Variants in SEMA6D observed in about 807,000 individuals in gnomAD.
The protein encoded by SEMA6D is semaphorin 6D, also known as semaphorin-6D.
A neutral mutation model predicts 106.6 loss-of-function variants in SEMA6D; 35 were observed. The observed-to-expected ratio is 0.33, with a 90% CI of 0.25 to 0.44. The LOEUF (loss-of-function observed/expected upper bound fraction) is 0.44, where lower values mean the gene tolerates loss of function less well. SEMA6D is among the 20% of genes least tolerant of loss of function. SEMA6D has a pLI of 1.00. For synonymous variants in SEMA6D, 499 were observed against 487.7 expected, an observed-to-expected ratio of 1.02 and a Z score of -0.31; for missense variants, 1,185 against 1,345.9, an observed-to-expected ratio of 0.88 and a Z score of 1.87.
At chr15:47,426,475 G>A (rs946080648) in intron 2 of SEMA6D, among the ~76,000 whole-genome samples, 1 of 152,246 alleles carries the variant, frequency 6.6e-6, no homozygotes, top group East Asian at 1.9e-4. Flanking sequence ...CTGTCTTCTA[G>A]TCCGACATTG....
At chr15:47,184,401 T>G (rs1231907733) in exon 1 of SEMA6D, 1 of 152,474 alleles carries the variant, frequency 6.6e-6, no homozygotes. Flanking sequence ...GGAGTCAGGC[T>G]GAGCCTTCGG....
intron 3 of SEMA6D, among the ~76,000 whole-genome samples, chr15:47,502,558 A>T (rs996265189): frequency 6.6e-6 from 1 of 152,224 alleles, no homozygotes. Context: ...GCTTGAAAAC[A>T]CTAAAGGCTA....
chr15:47,216,733 A>T (rs1350504918), intron 1 of SEMA6D, among the ~76,000 whole-genome samples: 1 of 152,182 alleles, frequency 6.6e-6, no homozygotes, highest in Non-Finnish European at 1.5e-5. Flanking sequence ...AACAATTCAC[A>T]TAAGTTCAAA....
At chr15:47,712,243 A>G (rs183909978) in intron 4 of SEMA6D, among the ~76,000 whole-genome samples, 1 of 152,324 alleles carries the variant, frequency 6.6e-6, no homozygotes, top group Non-Finnish European at 1.5e-5. Flanking sequence ...AGCTTTGAAT[A>G]TCTAATTGTG....
intron 4 of SEMA6D, among the ~76,000 whole-genome samples, chr15:47,679,656 G>A (rs1039868539): frequency 3.3e-5 from 5 of 152,006 alleles, no homozygotes; most frequent in African/African-American, 1.2e-4. Context: ...GCTTCACAGT[G>A]TGTATTTTAT....
chr15:47,591,211 G>A (rs1369628), intron 3 of SEMA6D, among the ~76,000 whole-genome samples: 26,290 of 152,054 alleles, frequency 0.17, 2,637 homozygotes, highest in African/African-American at 0.25. Context: ...ACTCCCTCTT[G>A]TTCTTTTATT....
intron 1 of SEMA6D, among the ~76,000 whole-genome samples, chr15:47,306,994 T>C (rs2036258614): frequency 6.6e-6 from 1 of 152,196 alleles, no homozygotes; most frequent in Non-Finnish European, 1.5e-5. Flanking sequence ...AAGCATAACA[T>C]TATAGTTTTT....
chr15:47,605,146 C>G (rs1381550737), intron 4 of SEMA6D: 2 of 152,188 alleles, frequency 1.3e-5, no homozygotes, highest in African/African-American at 2.4e-5. Context: ...GGAGGCAAAT[C>G]TAAGATGTTG....
chr15:47,399,727 A>G (rs2040334627), intron 1 of SEMA6D, among the ~76,000 whole-genome samples: 1 of 152,232 alleles, frequency 6.6e-6, no homozygotes, highest in Non-Finnish European at 1.5e-5. Context: ...ACTAAAGGAC[A>G]GAAACAAATT....
At chr15:47,590,704 G>T (rs1680210750) in intron 3 of SEMA6D, among the ~76,000 whole-genome samples, 1 of 152,036 alleles carries the variant, frequency 6.6e-6, no homozygotes, top group South Asian at 2.1e-4. Context: ...GATGACAGAG[G>T]CAGAGCTTGG....
At chr15:47,551,569 C>G (rs570529880) in intron 3 of SEMA6D, among the ~76,000 whole-genome samples, 47 of 152,144 alleles carry the variant, frequency 3.1e-4, no homozygotes, top group Non-Finnish European at 6.2e-4. Context: ...GCCTCACATA[C>G]TACATTTCAT....
intron 13 of SEMA6D, 61 bp downstream of exon 13, chr15:47,765,117 A>C: frequency 1.3e-6 from 2 of 1,584,384 alleles, no homozygotes; most frequent in East Asian, 4.5e-5. Context: ...CATGTATTTC[A>C]TCTAGTCATG....
At position 47,349,727 on chromosome 15, in the gene SEMA6D, GA is replaced by G. The variant is rs1281484844; in HGVS notation, c.-238-62661del. Among the ~76,000 whole-genome samples, 55 of 112,818 alleles carry G rather than the reference GA, an allele frequency of 4.9e-4. No individual in the cohort carries two copies. The East Asian group carries it at 9.4e-3, about 19-fold the overall frequency. 74.0% of individuals were successfully genotyped at this position (112,818 alleles called of 152,430 possible). A position where few individuals can be genotyped will look rare whatever the true frequency, so the allele number is the denominator to read the frequency against. On this transcript the variant is annotated intron_variant, in intron 1 of 19. Transcript: ENST00000558014. ...ATGGATCTAGAGATAAAGCCTAATA[GA>G]AAAACAGATTTTGGTAACTGCCTGG...
At chr15:47,447,833 C>T (rs982920204) in intron 2 of SEMA6D, among the ~76,000 whole-genome samples, 1 of 152,094 alleles carries the variant, frequency 6.6e-6, no homozygotes, top group South Asian at 2.1e-4. Context: ...AGTCCTCAAC[C>T]TGTGTGATTT....
At chr15:47,380,387 C>A (rs918108414) in intron 1 of SEMA6D, 5 of 152,162 alleles carry the variant, frequency 3.3e-5, no homozygotes, top group Non-Finnish European at 7.4e-5. Flanking sequence ...AAGGCACTTG[C>A]TAAGCAATGT....
At chr15:47,601,592 T>G (rs1183119888) in intron 4 of SEMA6D, among the ~76,000 whole-genome samples, 1 of 152,206 alleles carries the variant, frequency 6.6e-6, no homozygotes, top group Non-Finnish European at 1.5e-5. Flanking sequence ...GCTCTATTTT[T>G]AATGAGAGCA....
rs564462175 is a variant in SEMA6D at position 47,722,759 on chromosome 15, C to T, written c.-55+5067C>T. 2.4e-4 allele frequency among the ~76,000 whole-genome samples: 37 copies of T among 152,146 alleles called. 1 individual carries two copies. The South Asian group carries it at 5.4e-3, about 22-fold the overall frequency. Reference sequence around the variant, plus strand: ...AGGATGATGGTGATGATGATGGAGGCGGAGGAAGAAGAGGAAAGAACAGCA... The same window carrying T: ...AGGATGATGGTGATGATGATGGAGGTGGAGGAAGAAGAGGAAAGAACAGCA... On this transcript the variant is annotated intron_variant, in intron 1 of 18. Transcript: ENST00000536845.
chr15:47,539,437 T>A (rs2045287055), intron 3 of SEMA6D, among the ~76,000 whole-genome samples: 2 of 151,988 alleles, frequency 1.3e-5, no homozygotes, highest in Admixed American at 1.3e-4. Context: ...GTTTGTTTTG[T>A]TTTGTTTTGA....
chr15:47,208,792 G>C (rs1201512820), intron 1 of SEMA6D, among the ~76,000 whole-genome samples: 1 of 152,166 alleles, frequency 6.6e-6, no homozygotes, highest in African/African-American at 2.4e-5. Context: ...CTGACTACCA[G>C]ATTGGTCTTG....
Sources: allele counts gnomAD v4.1 joint callset (sites outside exome capture counted in the v4.1 genomes callset), GRCh38; gene constraint gnomAD v4.1.1; transcripts MANE v1.5; gene names NCBI Gene and HGNC (gene_info 2026-07-23, HGNC 2026-07-21).